Variants in SNX27 observed in about 807,000 individuals in gnomAD.
The protein encoded by SNX27 is sorting nexin 27.
A neutral mutation model predicts 71.6 loss-of-function variants in SNX27; 22 were observed. The ratio of observed to expected loss-of-function variants is 0.31; its 90% CI spans 0.22 to 0.44. The LOEUF (loss-of-function observed/expected upper bound fraction) is 0.44. Among genes scored for constraint, SNX27 ranks in the 20% least tolerant of loss-of-function variants. The pLI, the probability that SNX27 is intolerant of heterozygous loss-of-function variation, is 1.00. For missense variants in SNX27, 531 were observed against 698.6 expected, an observed-to-expected ratio of 0.76 and a Z score of 2.70; for synonymous variants, 269 against 277.2, an observed-to-expected ratio of 0.97 and a Z score of 0.29.
At position 151,665,951 on chromosome 1, in the gene SNX27, G is replaced by T; in HGVS notation, c.925G>T (p.Gly309Cys). 6.2e-7 allele frequency: 1 copy of T among 1,604,546 alleles called. No individual in the cohort carries two copies. Among genetic ancestry groups the T allele is most frequent in the Non-Finnish European group, 8.5e-7 (1 of 1,174,176 alleles). ...ACCTTAGGCTATCGCAGCAAAGGTT[G>T]GCATGGACAGTACGACAGTGAATTA... is the stretch of plus-strand genomic sequence containing the variant. Reference protein sequence around the residue: ...QVYQAIAAKVGMDSTTVNYFA... With the variant: ...QVYQAIAAKVCMDSTTVNYFA... Residue 309 changes from glycine (G) to cysteine (C), a missense_variant, in exon 6 of 12, where the codon GGC (glycine) becomes TGC (cysteine). Physicochemically the swap from Gly to Cys is radical, Grantham distance 159 (BLOSUM62 -3). Coordinates refer to ENST00000458013, the MANE Select transcript of SNX27 (RefSeq NM_001330723.2).
intron 1 of SNX27, among the ~76,000 whole-genome samples, chr1:151,624,792 T>A (rs920386688): frequency 5.3e-5 from 8 of 152,144 alleles, no homozygotes; most frequent in African/African-American, 1.9e-4. Context: ...CTTATTATAC[T>A]TTTTTCTCTG....
intron 2 of SNX27, among the ~76,000 whole-genome samples, chr1:151,645,564 A>T (rs190846268): frequency 2.7e-4 from 41 of 152,348 alleles, no homozygotes; most frequent in African/African-American, 9.9e-4. Flanking sequence ...TTGAGTCTGT[A>T]TACATCCAAG....
Position 151,658,398 on chromosome 1 carries a change from G to A in SNX27, c.707G>A (p.Arg236His), listed in dbSNP as rs1669794702. 2 of 1,614,018 alleles carry A rather than the reference G, an allele frequency of 1.2e-6. No homozygotes were observed. Among genetic ancestry groups the A allele is most frequent in the Non-Finnish European group, 1.7e-6 (2 of 1,179,982 alleles). The part of the protein sequence containing the change: ...SLSEQQLDAR[R>H]RGLEEYLEKV... Reference sequence around the variant, plus strand: ...TCAGAACAACAATTAGATGCCCGACGTCGGGGATTGGAAGAATATCTAGAA... The same window carrying A: ...TCAGAACAACAATTAGATGCCCGACATCGGGGATTGGAAGAATATCTAGAA... Residue 236 changes from arginine to histidine, a missense_variant, in exon 3 of 12, where the codon CGT becomes CAT. Around this residue, in one of 5 missense-constraint regions of SNX27, gnomAD observed 184 missense variants for 289.6 expected, o/e 0.64. Transcript: ENST00000458013.
chr1:151,694,039 T>C (rs1475855527), intron 11 of SNX27: 3 of 1,224,962 alleles, frequency 2.4e-6, no homozygotes, highest in Admixed American at 4.0e-5. Context: ...AAAATTTATA[T>C]TTTAGTACAG....
intron 6 of SNX27, among the ~76,000 whole-genome samples, chr1:151,667,472 ATTG>A (rs1055331303): frequency 3.9e-5 from 6 of 152,146 alleles, no homozygotes; most frequent in Non-Finnish European, 7.4e-5. Flanking sequence ...TTCATTGAGA[ATTG>A]CCACATGAGA....
rs1188393775 is a variant in SNX27, at chr1:151,695,433, T to TC, written c.*1016_*1017insC. 6.9e-6 allele frequency: 1 copy of TC among 145,548 alleles called. No homozygotes were observed. Among genetic ancestry groups the TC allele is most frequent in the Non-Finnish European group, 1.5e-5 (1 of 66,602 alleles). 9.0% of individuals were successfully genotyped at this position (145,548 alleles called of 1,614,324 possible). On this transcript the variant is annotated 3_prime_UTR_variant, in exon 12 of 12. Coordinates refer to ENST00000458013, the MANE Select transcript of SNX27 (RefSeq NM_001330723.2). ...GCCTTTTTTTTTTTTTTTTTTTTTTTTTTCTGAGACAGGGTCTTACTCTGT... is the reference window on the plus strand; with the variant it reads ...GCCTTTTTTTTTTTTTTTTTTTTTTTCTTTCTGAGACAGGGTCTTACTCTGT...
At chr1:151,617,126 G>C (rs1001207267) in intron 1 of SNX27, among the ~76,000 whole-genome samples, 24 of 152,162 alleles carry the variant, frequency 1.6e-4, no homozygotes, top group African/African-American at 5.5e-4. Context: ...CTATCTGATC[G>C]TCTATACTTT....
intron 1 of SNX27, among the ~76,000 whole-genome samples, chr1:151,617,878 G>GTT (rs35075644): frequency 1.4e-4 from 16 of 116,380 alleles, no homozygotes; most frequent in South Asian, 9.1e-4. Flanking sequence ...TTTTAGAGCT[G>GTT]TTTTTTTTTT....
chr1:151,689,850 C>CA (rs1671357135), intron 8 of SNX27, among the ~76,000 whole-genome samples: 4 of 148,148 alleles, frequency 2.7e-5, no homozygotes, highest in African/African-American at 9.9e-5. Context: ...TCTATATATA[C>CA]TTTTTTTTTT....
intron 8 of SNX27, 140 bp downstream of exon 8, chr1:151,683,585 TG>T: frequency 1.8e-6 from 1 of 557,904 alleles, no homozygotes; most frequent in Non-Finnish European, 3.2e-6. Context: ...GGGACCTTGA[TG>T]CAAAGTCCAT....
intron 7 of SNX27, chr1:151,679,279 G>A (rs1670836718): frequency 6.6e-6 from 1 of 152,194 alleles, no homozygotes; most frequent in African/African-American, 2.4e-5. Context: ...CCCAATTTCA[G>A]AAATGTTAAA....
chr1:151,643,401 TCTC>T (rs1352156658), intron 2 of SNX27, among the ~76,000 whole-genome samples: 1 of 151,814 alleles, frequency 6.6e-6, no homozygotes, highest in Non-Finnish European at 1.5e-5. Flanking sequence ...TTCAAGCAAT[TCTC>T]CTGCCTCAGC....
intron 7 of SNX27, among the ~76,000 whole-genome samples, chr1:151,670,446 T>C (rs1383154758): frequency 1.3e-5 from 2 of 152,180 alleles, no homozygotes; most frequent in Non-Finnish European, 2.9e-5. Flanking sequence ...GATGGTTCTA[T>C]TTTTAGTTTT....
intron 1 of SNX27, among the ~76,000 whole-genome samples, chr1:151,619,807 CTG>C (rs779346666): frequency 3.9e-5 from 6 of 152,250 alleles, no homozygotes; most frequent in South Asian, 2.1e-4. Flanking sequence ...TAAGCACACA[CTG>C]TATATAAAGA....
intron 7 of SNX27, among the ~76,000 whole-genome samples, chr1:151,671,147 C>G (rs1172593304): frequency 2.6e-5 from 4 of 151,380 alleles, no homozygotes; most frequent in Non-Finnish European, 5.9e-5. Context: ...GTCTGTGTGT[C>G]TGTTTTTATG....
Position 151,639,146 on chromosome 1 carries a change from G to A in SNX27, c.543+27G>A, listed in dbSNP as rs779037343. 3.8e-6 allele frequency: 6 copies of A among 1,579,920 alleles called. No individual in the cohort carries two copies. The East Asian group carries it at 6.7e-5, about 18-fold the overall frequency. ...TGAGTGTCAGCCCAACTCGATCCTC[G>A]AACATCTAGCTTTGTTTCCCCTAGT... On this transcript the variant is annotated intron_variant, in intron 2 of 11. Coordinates refer to ENST00000458013, the MANE Select transcript of SNX27 (RefSeq NM_001330723.2).
intron 8 of SNX27, among the ~76,000 whole-genome samples, chr1:151,691,108 T>A (rs935218090): frequency 2.0e-5 from 3 of 152,106 alleles, no homozygotes; most frequent in Non-Finnish European, 4.4e-5. Flanking sequence ...TTATCACTGA[T>A]CTAGGAAGGA....
At chr1:151,665,864 C>G in intron 5 of SNX27, 69 bp from the exon 6 acceptor site, 5 of 1,326,488 alleles carry the variant, frequency 3.8e-6, no homozygotes, top group Non-Finnish European at 5.3e-6. Flanking sequence ...CACAGACATA[C>G]ACCTGCTTTT....
At chr1:151,667,826 CAAAAAAAAAAAAA>C (rs138979420) in intron 6 of SNX27, among the ~76,000 whole-genome samples, 1 of 74,178 alleles carries the variant, frequency 1.3e-5, no homozygotes, top group African/African-American at 5.4e-5. Context: ...GACTCCGTCT[CAAAAAAAAAAAAA>C]AAAAAAAAAA....
Sources: allele counts gnomAD v4.1 joint callset (sites outside exome capture counted in the v4.1 genomes callset), GRCh38; gene constraint gnomAD v4.1.1; regional missense constraint gnomAD v4.1.1; transcripts MANE v1.5; gene names NCBI Gene and HGNC (gene_info 2026-07-23, HGNC 2026-07-21).